ZNF679: variants seen among roughly 807,000 people sequenced by gnomAD.
ZNF679 encodes the protein hypothetical protein MGC42415.
In ZNF679, 10 loss-of-function variants were observed where a neutral mutation model predicts 13.4. The ratio of observed to expected loss-of-function variants is 0.75; its 90% CI spans 0.46 to 1.27. ZNF679 has a LOEUF of 1.27. Among genes scored for constraint, ZNF679 ranks in the 50% most tolerant of loss-of-function variants. ZNF679 has a pLI of 0.00. For missense variants in ZNF679, 525 were observed against 477.8 expected, an observed-to-expected ratio of 1.10 and a Z score of -0.92; for synonymous variants, 179 against 162.5, an observed-to-expected ratio of 1.10 and a Z score of -0.77.
intron 1 of ZNF679, among the ~76,000 whole-genome samples, chr7:64,243,331 G>A (rs1787822509): frequency 6.6e-6 from 1 of 152,124 alleles, no homozygotes; most frequent in Non-Finnish European, 1.5e-5. Flanking sequence ...CCATCAACTA[G>A]GTGCTGGGCC....
intron 4 of ZNF679, among the ~76,000 whole-genome samples, chr7:64,264,921 T>C (rs1788124019): frequency 6.6e-6 from 1 of 152,104 alleles, no homozygotes; most frequent in Admixed American, 6.5e-5. Context: ...ACTTATTCTT[T>C]TTTAATTCCA....
At chr7:64,231,377 G>C (rs73366105) in intron 1 of ZNF679, among the ~76,000 whole-genome samples, 121 of 152,306 alleles carry the variant, frequency 7.9e-4, no homozygotes, top group African/African-American at 2.6e-3. Context: ...CAGGGCCCAG[G>C]AGGAGAGTTA....
intron 1 of ZNF679, among the ~76,000 whole-genome samples, chr7:64,229,923 G>A (rs1218475351): frequency 1.3e-5 from 2 of 152,162 alleles, no homozygotes; most frequent in African/African-American, 4.8e-5. Flanking sequence ...TGAGTTCTGG[G>A]CTTAGTGATA....
At chr7:64,242,505 T>C (rs1189871474) in intron 1 of ZNF679, among the ~76,000 whole-genome samples, 2 of 152,186 alleles carry the variant, frequency 1.3e-5, no homozygotes, top group African/African-American at 2.4e-5. Context: ...TTTTTGTTCC[T>C]ATAATCTGGT....
chr7:64,230,585 G>A (rs969311812), intron 1 of ZNF679, among the ~76,000 whole-genome samples: 3 of 149,836 alleles, frequency 2.0e-5, no homozygotes, highest in Non-Finnish European at 4.5e-5. Context: ...GAACAGGAGA[G>A]TAATATCACC....
intron 1 of ZNF679, among the ~76,000 whole-genome samples, chr7:64,236,888 GA>G (rs142750337): frequency 0.28 from 36,933 of 130,312 alleles, 5,438 homozygotes; most frequent in Non-Finnish European, 0.35. Flanking sequence ...GAGAAAGAAA[GA>G]AAAAAAGAAA....
In ZNF679 at chr7:64,249,024, C is replaced by G; in HGVS notation, c.-90-4C>G. The G allele has an allele frequency of 6.3e-7, 1 of 1,576,940 alleles. No homozygotes were observed. The highest frequency in any genetic ancestry group is 8.7e-7 in the Non-Finnish European group (1 of 1,155,760). On this transcript the variant is annotated splice_polypyrimidine_tract_variant and splice_region_variant and intron_variant, in intron 1 of 4. Transcript: ENST00000421025. ...CCGGGTCCTTTGTGTTTCTCTGCGT[C>G]CAGAGCTCCAGTTCTTCTCTTCACT...
At chr7:64,251,180 G>A (rs558963080) in intron 2 of ZNF679, among the ~76,000 whole-genome samples, 2 of 152,210 alleles carry the variant, frequency 1.3e-5, no homozygotes, top group African/African-American at 2.4e-5. Context: ...GAGGTCAGGC[G>A]CAGTGGCTCA....
intron 1 of ZNF679, among the ~76,000 whole-genome samples, chr7:64,241,218 A>G (rs1787794444): frequency 1.3e-5 from 2 of 152,236 alleles, no homozygotes; most frequent in Non-Finnish European, 2.9e-5. Flanking sequence ...TTAAAGACCC[A>G]GAACCTTAGT....
In ZNF679 at chr7:64,249,036, T is replaced by C. The variant is rs1027276452; in HGVS notation, c.-82T>C. ...TGTTTCTCTGCGTCCAGAGCTCCAG[T>C]TCTTCTCTTCACTGCTCTGCGTCCT... On this transcript the variant is annotated 5_prime_UTR_variant, in exon 2 of 5. Coordinates refer to ENST00000421025, the MANE Select transcript of ZNF679 (RefSeq NM_153363.3). 1 of 1,598,586 alleles carries C rather than the reference T, an allele frequency of 6.3e-7. No individual in the cohort carries two copies. Among genetic ancestry groups the C allele is most frequent in the Middle Eastern group, 1.7e-4 (1 of 6,026 alleles).
rs770911365 is a variant in ZNF679 at position 64,265,941 on chromosome 7, TA to T, written c.312del (p.Asp105IlefsTer6). ...CAAGACCTTCCGCCAGAGCTAGGCA[TA>T]AAAGATTCACTCCAAAAAGTAATAC... is the stretch of plus-strand genomic sequence containing the variant. ...FTQDLPPELG[I>X]KDSLQKVIPR... On this transcript the variant is annotated frameshift_variant, in exon 5 of 5. Coordinates refer to ENST00000421025, the MANE Select transcript of ZNF679 (RefSeq NM_153363.3). LOFTEE classifies it low-confidence loss of function (END_TRUNC). 1.2e-6 allele frequency: 2 copies of T among 1,613,832 alleles called. No homozygotes were observed. The highest frequency in any genetic ancestry group is 2.2e-5 in the South Asian group (2 of 91,074).
chr7:64,241,650 C>T (rs1787800230), intron 1 of ZNF679, among the ~76,000 whole-genome samples: 1 of 152,124 alleles, frequency 6.6e-6, no homozygotes, highest in Admixed American at 6.5e-5. Context: ...AATAAGAACC[C>T]AGGATAAAGA....
At chr7:64,231,280 C>T (rs935417217) in intron 1 of ZNF679, among the ~76,000 whole-genome samples, 6 of 152,134 alleles carry the variant, frequency 3.9e-5, no homozygotes, top group African/African-American at 1.4e-4. Context: ...AAGTGTATGT[C>T]ACAATCTCAC....
chr7:64,251,472 A>G (rs1467092250), intron 2 of ZNF679, among the ~76,000 whole-genome samples: 1 of 152,140 alleles, frequency 6.6e-6, no homozygotes, highest in Non-Finnish European at 1.5e-5. Context: ...AGAAAAGAAG[A>G]GAAAAGGCAG....
At chr7:64,251,821 AAG>A (rs1365419825) in intron 2 of ZNF679, among the ~76,000 whole-genome samples, 1 of 152,188 alleles carries the variant, frequency 6.6e-6, no homozygotes, top group African/African-American at 2.4e-5. Flanking sequence ...CTTGCAAGAG[AAG>A]AGAGCAAACG....
intron 2 of ZNF679, among the ~76,000 whole-genome samples, chr7:64,256,323 G>C (rs1429681503): frequency 6.6e-6 from 1 of 152,182 alleles, no homozygotes; most frequent in Non-Finnish European, 1.5e-5. Context: ...TACCATTGAA[G>C]ACATACAGGT....
rs1301822771 is a variant in ZNF679 at position 64,266,072 on chromosome 7, T to C, written c.439T>C (p.Cys147Arg). The C allele has an allele frequency of 2.5e-6, 4 of 1,613,236 alleles. No homozygotes were observed. The highest frequency in any genetic ancestry group is 3.4e-6 in the Non-Finnish European group (4 of 1,179,638). The part of the protein sequence containing the change: ...QKGGCNEVNQ[C>R]LSTTQNKIFQ... ...AGGAGGTTGTAATGAAGTTAACCAA[T>C]GTTTGTCAACTACCCAAAACAAAAT... Residue 147 changes from cysteine (C) to arginine (R), a missense_variant, in exon 5 of 5, where the codon TGT (cysteine) becomes CGT (arginine). By Grantham distance (180) the Cys-to-Arg change is radical. Coordinates refer to ENST00000421025, the MANE Select transcript of ZNF679 (RefSeq NM_153363.3).
intron 1 of ZNF679, among the ~76,000 whole-genome samples, chr7:64,244,023 G>A (rs915867269): frequency 2.6e-5 from 4 of 152,084 alleles, no homozygotes; most frequent in Non-Finnish European, 5.9e-5. Flanking sequence ...AGTCTGAGGC[G>A]GGCAGATCAT....
At chr7:64,229,244 A>C (rs2116501354) in intron 1 of ZNF679, among the ~76,000 whole-genome samples, 1 of 152,296 alleles carries the variant, frequency 6.6e-6, no homozygotes, top group South Asian at 2.1e-4. Flanking sequence ...AGTTGCGTAC[A>C]GTATAATAGG....
Sources: gnomAD v4.1 joint callset for allele counts (sites outside exome capture counted in the v4.1 genomes callset) on GRCh38, gnomAD v4.1.1 for gene constraint, MANE v1.5 for transcripts, NCBI Gene and HGNC (gene_info 2026-07-23, HGNC 2026-07-21) for gene names.